TNKS2: variants seen among roughly 807,000 people sequenced by gnomAD.
The protein encoded by TNKS2 is tankyrase 2.
A neutral mutation model predicts 137.6 loss-of-function variants in TNKS2; 72 were observed. That is an observed-to-expected ratio of 0.52 (90% CI 0.43 to 0.64). TNKS2 has a LOEUF of 0.64. Among genes scored for constraint, TNKS2 ranks in the 30% least tolerant of loss-of-function variants. The pLI is 0.00. For synonymous variants in TNKS2, 516 were observed against 512.1 expected (o/e 1.01, Z -0.10); for missense variants, 1,049 against 1,410.2 (o/e 0.74, Z 4.10).
At chr10:91,802,652 C>A (rs1017576668) in intron 1 of TNKS2, among the ~76,000 whole-genome samples, 1 of 152,188 alleles carries the variant, frequency 6.6e-6, no homozygotes, top group African/African-American at 2.4e-5. Flanking sequence ...TTGTGATTGC[C>A]ATTCATATCT....
At position 91,802,695 on chromosome 10, in the gene TNKS2, A is replaced by G. The variant is rs566455719; in HGVS notation, c.199+3806A>G. On this transcript the variant is annotated intron_variant, in intron 1 of 26. Transcript: ENST00000371627. ...AAATGATAACCATTGGAGACCTCCA[A>G]TAACCTCTCAGTAACATTTTCTTCT... Among the ~76,000 whole-genome samples the G allele has an allele frequency of 1.1e-4, 17 of 152,380 alleles. 1 individual carries two copies. The highest frequency in any genetic ancestry group is 6.2e-4 in the South Asian group (3 of 4,832).
rs977371043 is a variant in TNKS2, at chr10:91,865,313, A to G, written c.*2314A>G. ...CATGGTAATTACTGGAATAGTATAAATGTGTTGAATGGTCTTTGAGAAAAT... is the reference window on the plus strand; with the variant it reads ...CATGGTAATTACTGGAATAGTATAAGTGTGTTGAATGGTCTTTGAGAAAAT... On this transcript the variant is annotated 3_prime_UTR_variant, in exon 27 of 27. Transcript: ENST00000371627. 6.6e-6 allele frequency: 1 copy of G among 152,626 alleles called. No homozygotes were observed. The highest frequency in any genetic ancestry group is 1.5e-5 in the Non-Finnish European group (1 of 68,028). The allele number at this position is 152,626 out of a possible 1,614,324, so 9.5% of individuals were successfully genotyped here. A position where few individuals can be genotyped will look rare whatever the true frequency, so the allele number is the denominator to read the frequency against.
chr10:91,842,317 A>G lies in TNKS2; in HGVS notation c.1985A>G (p.Lys662Arg). ...AAGAAGGGTTGTTTAGCCAGAGTGAAGAAGTTGTCTTCTCCTGATAATGTA... is the reference window on the plus strand; with the variant it reads ...AAGAAGGGTTGTTTAGCCAGAGTGAGGAAGTTGTCTTCTCCTGATAATGTA... ...AAKKGCLARV[K>R]KLSSPDNVNC... is the part of the protein sequence containing the mutation. Residue 662 changes from lysine (K) to arginine (R), a missense_variant, in exon 16 of 27, where the codon AAG becomes AGG. Lys to Arg is a conservative substitution (Grantham distance 26, BLOSUM62 2). Coordinates refer to ENST00000371627, the MANE Select transcript of TNKS2 (RefSeq NM_025235.4). 1 of 1,614,170 alleles carries G rather than the reference A, an allele frequency of 6.2e-7. No homozygotes were observed. The highest frequency in any genetic ancestry group is 8.5e-7 in the Non-Finnish European group (1 of 1,179,992).
At chr10:91,856,550 A>G (rs1284121720) in intron 23 of TNKS2, among the ~76,000 whole-genome samples, 1 of 152,118 alleles carries the variant, frequency 6.6e-6, no homozygotes, top group East Asian at 1.9e-4. Flanking sequence ...TTTTGTTAGG[A>G]GTGAGAGCAG....
intron 11 of TNKS2, 21 bp downstream of exon 11, chr10:91,831,202 T>A (rs1389336474): frequency 4.4e-6 from 7 of 1,600,396 alleles, no homozygotes. Context: ...TTTTTGGTAA[T>A]CTTTGGTAAT....
At chr10:91,812,094 T>A (rs1290570102) in intron 1 of TNKS2, among the ~76,000 whole-genome samples, 1 of 152,024 alleles carries the variant, frequency 6.6e-6, no homozygotes, top group South Asian at 2.1e-4. Flanking sequence ...CGGAGAAAAT[T>A]TCAGAAGAGT....
Position 91,865,213 on chromosome 10 carries a change from TCTTA to T in TNKS2, c.*2218_*2221del, listed in dbSNP as rs1291688422. The T allele has an allele frequency of 6.5e-5, 10 of 152,702 alleles. No individual in the cohort carries two copies. In the East Asian group the frequency reaches 7.7e-4, roughly 12 times the overall value. The allele number at this position is 152,702 out of a possible 1,614,324, so 9.5% of individuals were successfully genotyped here. The stretch of plus-strand genomic sequence containing the variant: ...AGTACTATTATACCCATCTTCAGTG[TCTTA>T]CTTGTACTGTATCACATTCCATACC... On this transcript the variant is annotated 3_prime_UTR_variant, in exon 27 of 27. Coordinates refer to ENST00000371627, the MANE Select transcript of TNKS2 (RefSeq NM_025235.4).
intron 20 of TNKS2, among the ~76,000 whole-genome samples, chr10:91,850,535 A>G (rs1287118894): frequency 1.3e-5 from 2 of 151,908 alleles, no homozygotes; most frequent in Admixed American, 6.6e-5. Context: ...CCTGGCCAAT[A>G]TAGTGAAACT....
chr10:91,839,584 G>A (rs1312174378), intron 13 of TNKS2, among the ~76,000 whole-genome samples: 2 of 152,116 alleles, frequency 1.3e-5, no homozygotes, highest in Admixed American at 6.5e-5. Flanking sequence ...GAGCCACCAC[G>A]TTCAGCCTAA....
At chr10:91,814,293 A>C (rs898137943) in intron 2 of TNKS2, among the ~76,000 whole-genome samples, 2 of 152,222 alleles carry the variant, frequency 1.3e-5, no homozygotes, top group Admixed American at 6.5e-5. Flanking sequence ...AGAAAAGCTT[A>C]TAGAATAAAG....
intron 1 of TNKS2, among the ~76,000 whole-genome samples, chr10:91,808,522 T>C (rs1844401219): frequency 6.6e-6 from 1 of 152,072 alleles, no homozygotes. Context: ...TTTTAAAAGG[T>C]CACTAGAGAC....
rs1470306674 is a variant in TNKS2, at chr10:91,836,906, C to G, written c.1448-13C>G. On this transcript the variant is annotated splice_polypyrimidine_tract_variant and intron_variant, in intron 12 of 26. Coordinates refer to ENST00000371627, the MANE Select transcript of TNKS2 (RefSeq NM_025235.4). ...AGAGGTTAGTCACTCTTCTCTCTCT[C>G]TCTCTTTTTTAGAGGGTATCTCATT... 4 of 1,608,482 alleles carry G rather than the reference C, an allele frequency of 2.5e-6. No individual in the cohort carries two copies. The highest frequency in any genetic ancestry group is 2.2e-5 in the East Asian group (1 of 44,672).
intron 1 of TNKS2, 66 bp downstream of exon 1, chr10:91,798,955 C>G (rs1332814760): frequency 7.7e-7 from 1 of 1,295,034 alleles, no homozygotes; most frequent in Non-Finnish European, 9.8e-7. Flanking sequence ...GCCCACAGGT[C>G]TGAAACCAGT....
chr10:91,845,040 C>A lies in TNKS2; in HGVS notation c.2169+12C>A. ...CAGCATCTTACGGGGTAAGTTCTTCCGTGTTACCTTTAAAAATTTGTGGAA... is the reference window on the plus strand; with the variant it reads ...CAGCATCTTACGGGGTAAGTTCTTCAGTGTTACCTTTAAAAATTTGTGGAA... On this transcript the variant is annotated intron_variant, in intron 17 of 26. Transcript: ENST00000371627. 6.4e-7 allele frequency: 1 copy of A among 1,553,220 alleles called. No homozygotes were observed. Among genetic ancestry groups the A allele is most frequent in the Non-Finnish European group, 8.8e-7 (1 of 1,131,514 alleles).
intron 21 of TNKS2, among the ~76,000 whole-genome samples, chr10:91,853,294 C>T (rs1460611713): frequency 2.6e-5 from 4 of 152,208 alleles, no homozygotes; most frequent in Non-Finnish European, 5.9e-5. Flanking sequence ...TGTAGTCACT[C>T]TGATACATCC....
chr10:91,814,205 T>C (rs1163310672), intron 2 of TNKS2, among the ~76,000 whole-genome samples: 4 of 152,198 alleles, frequency 2.6e-5, no homozygotes, highest in Non-Finnish European at 4.4e-5. Flanking sequence ...ATCTTGAGCC[T>C]ATGTAGGCCT....
chr10:91,803,219 A>G (rs1844226800), intron 1 of TNKS2, among the ~76,000 whole-genome samples: 2 of 152,226 alleles, frequency 1.3e-5, no homozygotes, highest in South Asian at 2.1e-4. Context: ...AACTAAAGTT[A>G]ATAGTAAATG....
chr10:91,845,043 G>A lies in TNKS2; in HGVS notation c.2169+15G>A. The A allele has an allele frequency of 6.5e-7, 1 of 1,548,896 alleles. No homozygotes were observed. The highest frequency in any genetic ancestry group is 1.7e-4 in the Middle Eastern group (1 of 5,928). ...CATCTTACGGGGTAAGTTCTTCCGT[G>A]TTACCTTTAAAAATTTGTGGAATTT... On this transcript the variant is annotated intron_variant, in intron 17 of 26. Transcript: ENST00000371627.
Position 91,849,723 on chromosome 10 carries a change from T to A in TNKS2, c.2694+129T>A, listed in dbSNP as rs1007977737. On this transcript the variant is annotated intron_variant, in intron 20 of 26. Transcript: ENST00000371627. Reference sequence around the variant, plus strand: ...AATGTTTTTTAAGAAATGACATCAGTCAGCCTTCTAATTTGGCTTGACCTT... The same window carrying A: ...AATGTTTTTTAAGAAATGACATCAGACAGCCTTCTAATTTGGCTTGACCTT... The A allele has an allele frequency of 1.5e-5, 10 of 671,742 alleles. No individual in the cohort carries two copies. In the Admixed American group the frequency reaches 3.0e-4, roughly 20 times the overall value. The allele number at this position is 671,742 out of a possible 1,614,324, so 41.6% of individuals were successfully genotyped here. A position where few individuals can be genotyped will look rare whatever the true frequency, so the allele number is the denominator to read the frequency against.
Sources: allele counts gnomAD v4.1 joint callset (sites outside exome capture counted in the v4.1 genomes callset), GRCh38; gene constraint gnomAD v4.1.1; transcripts MANE v1.5; gene names NCBI Gene and HGNC (gene_info 2026-07-23, HGNC 2026-07-21).